The following UPF3A variants were observed in gnomAD, a reference collection of about 807,000 sequenced individuals.
The protein encoded by UPF3A is UPF3A regulator of nonsense mediated mRNA decay, also known as regulator of nonsense transcripts 3A.
Under a neutral mutation model 53.5 loss-of-function variants are expected in UPF3A, and 42 were observed. That is an observed-to-expected ratio of 0.78 (90% CI 0.61 to 1.01). The LOEUF is 1.01. Among genes scored for constraint, UPF3A ranks in the 50% least tolerant of loss-of-function variants. The pLI, the probability that UPF3A is intolerant of heterozygous loss-of-function variation, is 0.00. For missense variants in UPF3A, 575 were observed against 598.0 expected (o/e 0.96, Z 0.40); for synonymous variants, 237 against 225.3 (o/e 1.05, Z -0.47).
At position 114,291,850 on chromosome 13, in the gene UPF3A, T is replaced by G. The variant is rs551976595; in HGVS notation, c.846+58T>G. 8.0e-6 allele frequency: 12 copies of G among 1,505,422 alleles called. No homozygotes were observed. In the African/African-American group the frequency reaches 1.7e-4, roughly 21 times the overall value. The allele number at this position is 1,505,422 out of a possible 1,614,324, so 93.3% of individuals were successfully genotyped here. A position where few individuals can be genotyped will look rare whatever the true frequency, so the allele number is the denominator to read the frequency against. ...AATAGCTCTGCTATAGTAATTACACTTTTTACATATCTTAGTTCTTTAGAA... is the reference window on the plus strand; with the variant it reads ...AATAGCTCTGCTATAGTAATTACACGTTTTACATATCTTAGTTCTTTAGAA... On this transcript the variant is annotated intron_variant, in intron 7 of 9. Coordinates refer to ENST00000375299, the MANE Select transcript of UPF3A (RefSeq NM_023011.4).
At chr13:114,289,452 A>G (rs1487825552) in intron 5 of UPF3A, among the ~76,000 whole-genome samples, 1 of 151,038 alleles carries the variant, frequency 6.6e-6, no homozygotes, top group Non-Finnish European at 1.5e-5. Flanking sequence ...TGAACTCGGC[A>G]GGCGGAGGTT....
intron 3 of UPF3A, chr13:114,283,476 C>T (rs900386677): frequency 1.3e-5 from 2 of 152,202 alleles, no homozygotes; most frequent in African/African-American, 2.4e-5. Context: ...TAGTGACAGC[C>T]TATTTATGTA....
Position 114,297,821 on chromosome 13 carries a change from G to A in UPF3A, c.847-1019G>A, listed in dbSNP as rs373521859. ...CCCAGCCTGGGTGACAGAGTGAGAC[G>A]TCGTCTCAAAAAAAACAACAAACAA... On this transcript the variant is annotated intron_variant, in intron 7 of 9. Coordinates refer to ENST00000375299, the MANE Select transcript of UPF3A (RefSeq NM_023011.4). Among the ~76,000 whole-genome samples, 8 of 151,950 alleles carry A rather than the reference G, an allele frequency of 5.3e-5. No homozygotes were observed. In the East Asian group the frequency reaches 1.2e-3, roughly 22 times the overall value.
intron 2 of UPF3A, chr13:114,282,560 G>A: frequency 3.0e-6 from 3 of 985,480 alleles, no homozygotes; most frequent in Non-Finnish European, 3.6e-6. Context: ...CGGCGCCACG[G>A]GTTCCTCTGG....
chr13:114,286,736 C>A (rs2084732877), intron 5 of UPF3A, 107 bp downstream of exon 5: 1 of 832,374 alleles, frequency 1.2e-6, no homozygotes, highest in Non-Finnish European at 1.8e-6. Flanking sequence ...AAACTTGTTA[C>A]AGGCTTGACA....
chr13:114,295,930 T>C (rs1169445317), intron 7 of UPF3A, among the ~76,000 whole-genome samples: 2 of 152,112 alleles, frequency 1.3e-5, no homozygotes, highest in Non-Finnish European at 2.9e-5. Context: ...AGCTTCAGGA[T>C]GGGGACTAGT....
rs201602560 is a variant in UPF3A at position 114,291,558 on chromosome 13, T to G, written c.687+14T>G. ...TTAGAAAAGCAGGTAGGTCTGGCCT[T>G]TACCTGATGAACACCCTCCCTGCTT... On this transcript the variant is annotated intron_variant, in intron 6 of 9. Coordinates refer to ENST00000375299, the MANE Select transcript of UPF3A (RefSeq NM_023011.4). 795 of 1,608,590 alleles carry G rather than the reference T, an allele frequency of 4.9e-4. No homozygotes were observed. Among genetic ancestry groups the G allele is most frequent in the Non-Finnish European group, 6.4e-4 (751 of 1,178,736 alleles).
In UPF3A at chr13:114,282,213, C is replaced by T. The variant is rs939276352; in HGVS notation, c.314+86C>T. The T allele has an allele frequency of 4.3e-6, 5 of 1,149,546 alleles. No individual in the cohort carries two copies. The African/African-American group carries it at 4.7e-5, about 11-fold the overall frequency. 71.2% of individuals were successfully genotyped at this position (1,149,546 alleles called of 1,614,324 possible). A position where few individuals can be genotyped will look rare whatever the true frequency, so the allele number is the denominator to read the frequency against. On this transcript the variant is annotated intron_variant, in intron 2 of 9. Transcript: ENST00000375299. ...GTCTCGTTGCCTTACGTTCCTTACCCTGATTTCTCCTATATGGGAGTCGTG... is the reference window on the plus strand; with the variant it reads ...GTCTCGTTGCCTTACGTTCCTTACCTTGATTTCTCCTATATGGGAGTCGTG...
At chr13:114,282,748 T>G in intron 2 of UPF3A, 89 bp from the exon 3 acceptor site, 1 of 1,533,444 alleles carries the variant, frequency 6.5e-7, no homozygotes, top group Non-Finnish European at 8.8e-7. Flanking sequence ...TCTAAAGTAG[T>G]TTGTTGTGCC....
At chr13:114,285,875 T>A (rs1005745226) in intron 3 of UPF3A, 2 of 159,840 alleles carry the variant, frequency 1.3e-5, no homozygotes, top group African/African-American at 4.8e-5. Flanking sequence ...AAATCATTAT[T>A]TAAAGGTATT....
At chr13:114,287,808 TTATC>T (rs2084872609) in intron 5 of UPF3A, among the ~76,000 whole-genome samples, 1 of 152,140 alleles carries the variant, frequency 6.6e-6, no homozygotes, top group Non-Finnish European at 1.5e-5. Context: ...CTTTCTTCAT[TTATC>T]TAGTAATAAA....
At chr13:114,298,659 C>A (rs2086295536) in intron 7 of UPF3A, among the ~76,000 whole-genome samples, 181 bp from the exon 8 acceptor site, 1 of 152,154 alleles carries the variant, frequency 6.6e-6, no homozygotes, top group African/African-American at 2.4e-5. Flanking sequence ...AAAAATATTT[C>A]ATTCACTGAA....
intron 3 of UPF3A, chr13:114,283,887 G>T (rs1051682131): frequency 1.8e-5 from 18 of 985,282 alleles, no homozygotes; most frequent in Non-Finnish European, 2.2e-5. Context: ...GACTCCACGT[G>T]TTTTGACACT....
chr13:114,301,052 C>T (rs920515334), intron 8 of UPF3A, among the ~76,000 whole-genome samples: 1 of 151,108 alleles, frequency 6.6e-6, no homozygotes, highest in Non-Finnish European at 1.5e-5. Context: ...CTCAGGTGAT[C>T]CCACCCACCT....
rs1314090302 is a variant in UPF3A, at chr13:114,301,728, T to C, written c.1008-3T>C. On this transcript the variant is annotated splice_polypyrimidine_tract_variant and splice_region_variant and intron_variant, in intron 8 of 9. Transcript: ENST00000375299. Reference sequence around the variant, plus strand: ...GTTGCTGATCATTTGTGTTGAATCATAGGTCACACAGCGGCAGTGATAAAG... The same window carrying C: ...GTTGCTGATCATTTGTGTTGAATCACAGGTCACACAGCGGCAGTGATAAAG... 16 of 1,605,412 alleles carry C rather than the reference T, an allele frequency of 1.0e-5. No homozygotes were observed. Among genetic ancestry groups the C allele is most frequent in the Non-Finnish European group, 1.4e-5 (16 of 1,173,584 alleles).
chr13:114,303,099 T>A (rs1285424461), intron 9 of UPF3A, among the ~76,000 whole-genome samples: 2 of 145,174 alleles, frequency 1.4e-5, no homozygotes, highest in Non-Finnish European at 1.5e-5. Flanking sequence ...AAATTACCTC[T>A]AAAAAAAAAA....
At chr13:114,303,466 T>C (rs1246427922) in intron 9 of UPF3A, among the ~76,000 whole-genome samples, 4 of 152,130 alleles carry the variant, frequency 2.6e-5, no homozygotes, top group Non-Finnish European at 5.9e-5. Flanking sequence ...GCTCCATCTG[T>C]GTATACAGGT....
At chr13:114,282,289 G>C (rs2084159105) in intron 2 of UPF3A, 162 bp downstream of exon 2, 1 of 833,292 alleles carries the variant, frequency 1.2e-6, no homozygotes, top group African/African-American at 1.8e-5. Context: ...TTCCGTCAAA[G>C]AAAAATACCA....
intron 7 of UPF3A, among the ~76,000 whole-genome samples, chr13:114,292,805 TAA>T (rs1014941860): frequency 6.6e-6 from 1 of 151,928 alleles, no homozygotes; most frequent in East Asian, 1.9e-4. Context: ...CATTTTCCTT[TAA>T]AAAAAAGTTT....
Sources: allele counts gnomAD v4.1 joint callset (sites outside exome capture counted in the v4.1 genomes callset), GRCh38; gene constraint gnomAD v4.1.1; transcripts MANE v1.5; gene names NCBI Gene and HGNC (gene_info 2026-07-23, HGNC 2026-07-21).